NRG1: variants seen among roughly 807,000 people sequenced by gnomAD.
NRG1 encodes the protein neuregulin 1.
A neutral mutation model predicts 63.8 loss-of-function variants in NRG1; 18 were observed. That is an observed-to-expected ratio of 0.28 (90% confidence interval 0.19 to 0.42). The LOEUF (loss-of-function observed/expected upper bound fraction) is 0.42, where lower values mean the gene tolerates loss of function less well. Ranked by LOEUF, NRG1 falls within the 10% of genes least tolerant of loss-of-function variation. The probability of loss-of-function intolerance (pLI) is 1.00; values close to 1 mark genes in which losing one functional copy is unlikely to be tolerated. For synonymous variants in NRG1, 302 were observed against 301.3 expected (o/e 1.00, Z -0.02); for missense variants, 762 against 814.7 (o/e 0.94, Z 0.79).
chr8:32,521,840 C>T (rs754395698), intron 1 of NRG1, among the ~76,000 whole-genome samples: 1 of 152,172 alleles, frequency 6.6e-6, no homozygotes, highest in Non-Finnish European at 1.5e-5. Context: ...ATGTGCCTAA[C>T]TAAAATTCCC....
chr8:32,325,300 G>T (rs796133886), intron 1 of NRG1, among the ~76,000 whole-genome samples: 1 of 152,148 alleles, frequency 6.6e-6, no homozygotes, highest in East Asian at 1.9e-4. Context: ...GCTGTTACGG[G>T]GTGGGGCACA....
intron 1 of NRG1, among the ~76,000 whole-genome samples, chr8:32,295,613 T>G (rs1320165439): frequency 6.6e-6 from 1 of 152,172 alleles, no homozygotes; most frequent in Admixed American, 6.5e-5. Context: ...GATGGCATTT[T>G]GGTCTTTCTA....
At chr8:32,321,606 A>T (rs1801402866) in intron 1 of NRG1, among the ~76,000 whole-genome samples, 1 of 151,268 alleles carries the variant, frequency 6.6e-6, no homozygotes, top group Admixed American at 6.6e-5. Context: ...TATTTAGTTG[A>T]ATTCATTTTA....
At chr8:32,752,220 TG>T (rs1403406294) in intron 7 of NRG1, among the ~76,000 whole-genome samples, 2 of 152,124 alleles carry the variant, frequency 1.3e-5, no homozygotes, top group African/African-American at 2.4e-5. Flanking sequence ...GTGACAGCTT[TG>T]CTTCTTAGAC....
rs181614457 is a variant in NRG1, at chr8:31,665,511, A to G, written c.37+26080A>G. 6.9e-3 allele frequency among the ~76,000 whole-genome samples: 1,047 copies of G among 152,308 alleles called. 8 individuals carry two copies. The highest frequency in any genetic ancestry group is 8.8e-3 in the Non-Finnish European group (596 of 68,022). On this transcript the variant is annotated intron_variant, in intron 1 of 10. Transcript: ENST00000519301. ...CTATTGAAGGAATTTCAGGCAGAGA[A>G]TGAGGTCAGCCAAACTATGTTTTAG... is the stretch of plus-strand genomic sequence containing the variant.
In NRG1 at chr8:32,386,878, GC is replaced by G. The variant is rs1309808668; in HGVS notation, c.38-208949del. Among the ~76,000 whole-genome samples, 5 of 152,284 alleles carry G rather than the reference GC, an allele frequency of 3.3e-5. No individual in the cohort carries two copies. In the East Asian group the frequency reaches 9.7e-4, roughly 29 times the overall value. ...GTTATCTATTATGCAGTTAAACTGT[GC>G]TATGTGTAGGGATGCAGAGCAAATC... On this transcript the variant is annotated intron_variant, in intron 1 of 10. Transcript: ENST00000519301.
Position 32,756,537 on chromosome 8 carries a change from G to T in NRG1, c.921+8G>T. 3.1e-6 allele frequency: 5 copies of T among 1,601,180 alleles called. No individual in the cohort carries two copies. The highest frequency in any genetic ancestry group is 4.3e-6 in the Non-Finnish European group (5 of 1,175,408). ...AATGTCCAGCTGGTGAATGTACGTT[G>T]ACTCTGGCCAGTGGAAAAAACTGAG... On this transcript the variant is annotated splice_region_variant and intron_variant, in intron 9 of 11. Transcript: ENST00000356819.
intron 1 of NRG1, among the ~76,000 whole-genome samples, chr8:31,700,712 A>G (rs1019826269): frequency 2.0e-5 from 3 of 152,184 alleles, no homozygotes; most frequent in Admixed American, 2.0e-4. Flanking sequence ...GTCAGAGAAA[A>G]TGAGATGAAG....
intron 1 of NRG1, among the ~76,000 whole-genome samples, chr8:32,473,766 C>A (rs1248527990): frequency 6.6e-6 from 1 of 152,198 alleles, no homozygotes; most frequent in Admixed American, 6.5e-5. Context: ...TCACTGCAGC[C>A]TCAAACTCCT....
At chr8:32,189,819 A>G (rs1192980651) in intron 1 of NRG1, among the ~76,000 whole-genome samples, 1 of 152,204 alleles carries the variant, frequency 6.6e-6, no homozygotes, top group East Asian at 1.9e-4. Context: ...TTGGCCATAT[A>G]GTCTTCTACC....
chr8:31,975,042 A>C (rs1807930819), intron 1 of NRG1, among the ~76,000 whole-genome samples: 1 of 152,150 alleles, frequency 6.6e-6, no homozygotes, highest in Non-Finnish European at 1.5e-5. Flanking sequence ...CTGGGTCTTT[A>C]CTGTGTATGT....
chr8:32,460,863 C>T (rs1295874258), intron 1 of NRG1, among the ~76,000 whole-genome samples: 2 of 152,106 alleles, frequency 1.3e-5, no homozygotes, highest in Admixed American at 1.3e-4. Flanking sequence ...AAGCCAACCA[C>T]TCGTTCTATC....
chr8:31,643,975 A>T (rs11787492), intron 1 of NRG1, among the ~76,000 whole-genome samples: 31,771 of 152,178 alleles, frequency 0.21, 4,335 homozygotes, highest in East Asian at 0.58. Flanking sequence ...GTATACATGT[A>T]TGCATGTATT....
intron 3 of NRG1, among the ~76,000 whole-genome samples, chr8:32,609,990 G>T (rs936796589): frequency 5.3e-5 from 8 of 151,070 alleles, no homozygotes; most frequent in Admixed American, 5.3e-4. Context: ...TTGTTTCATT[G>T]TGGATTCTAG....
intron 1 of NRG1, among the ~76,000 whole-genome samples, chr8:31,852,336 G>C (rs1475637093): frequency 1.3e-5 from 2 of 149,630 alleles, no homozygotes; most frequent in Admixed American, 6.6e-5. Context: ...TTGTGGTTTT[G>C]ATTTGCATTT....
chr8:32,555,856 T>C (rs1178607132), intron 1 of NRG1, among the ~76,000 whole-genome samples: 1 of 152,232 alleles, frequency 6.6e-6, no homozygotes, highest in Non-Finnish European at 1.5e-5. Context: ...TTGTTATCTT[T>C]GACATGAGTT....
intron 1 of NRG1, among the ~76,000 whole-genome samples, chr8:32,411,879 T>C (rs1364211271): frequency 6.6e-6 from 1 of 152,072 alleles, no homozygotes; most frequent in Non-Finnish European, 1.5e-5. Flanking sequence ...AAAATCAAAA[T>C]ATAGGTAAGT....
chr8:32,633,014 A>T (rs1047685828), intron 5 of NRG1, among the ~76,000 whole-genome samples: 1 of 152,172 alleles, frequency 6.6e-6, no homozygotes, highest in Admixed American at 6.5e-5. Context: ...ATATATATCT[A>T]TATGCATGTA....
chr8:32,293,961 G>C (rs1003367741), intron 1 of NRG1, among the ~76,000 whole-genome samples: 3 of 151,872 alleles, frequency 2.0e-5, no homozygotes, highest in African/African-American at 7.3e-5. Flanking sequence ...CAGGTTATCA[G>C]CCCACCTGGG....
Sources: allele counts gnomAD v4.1 joint callset (sites outside exome capture counted in the v4.1 genomes callset), GRCh38; gene constraint gnomAD v4.1.1; transcripts MANE v1.5; gene names NCBI Gene and HGNC (gene_info 2026-07-23, HGNC 2026-07-21).